The following VTA1 variants were observed in gnomAD, a reference collection of about 807,000 sequenced individuals.
VTA1 encodes vacuolar protein sorting-associated protein VTA1 homolog.
A neutral mutation model predicts 36.9 loss-of-function variants in VTA1; 24 were observed. The observed-to-expected ratio is 0.65, with a 90% CI of 0.47 to 0.91. The LOEUF is 0.91. Ranked by LOEUF, VTA1 falls within the 40% of genes least tolerant of loss-of-function variation. The pLI is 0.00. For synonymous variants in VTA1, 142 were observed against 130.2 expected (o/e 1.09, Z -0.62); for missense variants, 393 against 377.2 (o/e 1.04, Z -0.35).
Position 142,221,792 on chromosome 6 carries a change from A to C in VTA1, c.*3149A>C, listed in dbSNP as rs554651133. On this transcript the variant is annotated 3_prime_UTR_variant, in exon 8 of 8. Transcript: ENST00000367630. ...AAATATGTATTTATATATAAATCAT[A>C]AATATATTAATAAATATATAATATA... is the stretch of plus-strand genomic sequence containing the variant. 6.8e-6 allele frequency: 1 copy of C among 148,084 alleles called. No homozygotes were observed. The highest frequency in any genetic ancestry group is 6.8e-5 in the Admixed American group (1 of 14,768). The allele number at this position is 148,084 out of a possible 1,614,324, so 9.2% of individuals were successfully genotyped here.
Position 142,204,034 on chromosome 6 carries a change from T to C in VTA1, c.747T>C (p.Ile249=), listed in dbSNP as rs1562268707. 6.2e-7 allele frequency: 1 copy of C among 1,613,658 alleles called. No homozygotes were observed. Among genetic ancestry groups the C allele is most frequent in the East Asian group, 2.2e-5 (1 of 44,822 alleles). The change falls in exon 7 of 8, where the codon ATT becomes ATC. Residue 249 remains isoleucine, a synonymous_variant. Transcript: ENST00000367630. ...IQPTPQTIPA[I]DPALFNTISQ... ...CTACTCCACAGACTATACCTGCCAT[T>C]GATCCCGCACTTTTCAATACAATTT...
chr6:142,183,653 A>G lies in VTA1; in HGVS notation c.412-5773A>G, dbSNP rs17071519. Reference sequence around the variant, plus strand: ...ATGTTTAATCAGCCAAAAGGAGTTAATGAATTTCAAAAATACATCTTGAAA... The same window carrying G: ...ATGTTTAATCAGCCAAAAGGAGTTAGTGAATTTCAAAAATACATCTTGAAA... On this transcript the variant is annotated intron_variant, in intron 4 of 7. Coordinates refer to ENST00000367630, the MANE Select transcript of VTA1 (RefSeq NM_016485.5). Among the ~76,000 whole-genome samples the G allele has an allele frequency of 9.3e-3, 1,413 of 152,306 alleles. 31 individuals carry two copies. The highest frequency in any genetic ancestry group is 0.032 in the African/African-American group (1,338 of 41,570).
At chr6:142,160,218 GGA>G (rs977311868) in intron 1 of VTA1, among the ~76,000 whole-genome samples, 70 of 152,120 alleles carry the variant, frequency 4.6e-4, no homozygotes, top group African/African-American at 1.6e-3. Flanking sequence ...TTTGCTCTAG[GGA>G]GAGTTTAACA....
intron 5 of VTA1, among the ~76,000 whole-genome samples, chr6:142,192,956 G>T (rs929122413): frequency 6.6e-6 from 1 of 152,054 alleles, no homozygotes; most frequent in Non-Finnish European, 1.5e-5. Context: ...AAATCGAGAA[G>T]TATAGTATTT....
rs139542454 is a variant in VTA1 at position 142,164,469 on chromosome 6, G to C, written c.113-1759G>C. 1.0e-3 allele frequency among the ~76,000 whole-genome samples: 159 copies of C among 152,038 alleles called. 3 individuals are homozygous for C. The East Asian group carries it at 0.011, about 11-fold the overall frequency. On this transcript the variant is annotated intron_variant, in intron 1 of 7. Transcript: ENST00000367630. ...ATTATTAAATTAAACTTCAAGCTCT[G>C]TAATATGAGATAGCCCTCAAAGCCT...
At chr6:142,192,886 C>T (rs894567985) in intron 5 of VTA1, among the ~76,000 whole-genome samples, 21 of 151,972 alleles carry the variant, frequency 1.4e-4, no homozygotes, top group African/African-American at 5.1e-4. Flanking sequence ...TCTTTTACTG[C>T]TGAGTACTTC....
intron 4 of VTA1, among the ~76,000 whole-genome samples, chr6:142,170,918 G>A (rs1410643975): frequency 6.6e-6 from 1 of 151,858 alleles, no homozygotes; most frequent in East Asian, 2.0e-4. Context: ...GAACCCCATT[G>A]CACCTGGCCT....
At chr6:142,198,037 C>T (rs187646096) in intron 5 of VTA1, among the ~76,000 whole-genome samples, 240 of 150,858 alleles carry the variant, frequency 1.6e-3, no homozygotes, top group African/African-American at 5.0e-3. Flanking sequence ...GTAGAGCTTG[C>T]CGTGAGCTGA....
chr6:142,215,621 A>G (rs2114690323), intron 7 of VTA1, among the ~76,000 whole-genome samples: 1 of 152,268 alleles, frequency 6.6e-6, no homozygotes, highest in South Asian at 2.1e-4. Context: ...TGTTCCATCC[A>G]AGTCAAAGGA....
chr6:142,163,220 C>T (rs937524981), intron 1 of VTA1, among the ~76,000 whole-genome samples: 3 of 151,956 alleles, frequency 2.0e-5, no homozygotes, highest in African/African-American at 7.3e-5. Context: ...ATTTACCAGC[C>T]AGCACACTTC....
intron 3 of VTA1, 73 bp downstream of exon 3, chr6:142,169,750 TG>T (rs1466148334): frequency 9.8e-6 from 13 of 1,326,312 alleles, no homozygotes; most frequent in Non-Finnish European, 1.3e-5. Context: ...TAGTTTTCTC[TG>T]GAACACTTTC....
chr6:142,170,203 T>A (rs1470307742), intron 3 of VTA1, 143 bp from the exon 4 acceptor site: 1 of 627,290 alleles, frequency 1.6e-6, no homozygotes, highest in Non-Finnish European at 2.7e-6. Context: ...TTTTTGTTAT[T>A]TTCTTGAAAT....
chr6:142,150,807 G>A (rs1778553430), intron 1 of VTA1, among the ~76,000 whole-genome samples: 1 of 152,068 alleles, frequency 6.6e-6, no homozygotes, highest in Non-Finnish European at 1.5e-5. Context: ...AGCTACTTGG[G>A]AGGCTGAGGC....
At chr6:142,186,065 T>G (rs2114661440) in intron 4 of VTA1, among the ~76,000 whole-genome samples, 1 of 152,296 alleles carries the variant, frequency 6.6e-6, no homozygotes, top group East Asian at 1.9e-4. Flanking sequence ...AGATGTAAGA[T>G]TACCGGAGAG....
intron 2 of VTA1, among the ~76,000 whole-genome samples, chr6:142,168,986 G>T (rs1426127885): frequency 6.6e-6 from 1 of 151,710 alleles, no homozygotes; most frequent in Non-Finnish European, 1.5e-5. Flanking sequence ...AGCCAGAATG[G>T]TCTCGATCTC....
At chr6:142,178,821 T>A (rs1206667176) in intron 4 of VTA1, among the ~76,000 whole-genome samples, 1 of 151,992 alleles carries the variant, frequency 6.6e-6, no homozygotes, top group African/African-American at 2.4e-5. Context: ...GATTTTTTTT[T>A]AAAAGCAAGC....
At chr6:142,155,134 G>C (rs1375026384) in intron 1 of VTA1, among the ~76,000 whole-genome samples, 1 of 152,038 alleles carries the variant, frequency 6.6e-6, no homozygotes, top group Admixed American at 6.6e-5. Flanking sequence ...ATTCATCCTA[G>C]TTAGTAATAA....
In VTA1 at chr6:142,187,702, A is replaced by G. The variant is rs936490934; in HGVS notation, c.412-1724A>G. Among the ~76,000 whole-genome samples the G allele has an allele frequency of 3.3e-5, 5 of 152,192 alleles. No individual in the cohort carries two copies. The East Asian group carries it at 9.6e-4, about 29-fold the overall frequency. ...TCAGAATCAATGTATAGATTTTTAA[A>G]TTGAATATGTAAGAGGAGTGTTTGA... On this transcript the variant is annotated intron_variant, in intron 4 of 7. Transcript: ENST00000367630.
At chr6:142,159,915 A>G in intron 1 of VTA1, among the ~76,000 whole-genome samples, 1 of 152,066 alleles carries the variant, frequency 6.6e-6, no homozygotes, top group African/African-American at 2.4e-5. Context: ...ATAGTTCTCT[A>G]GTATGTTAAT....
Sources: gnomAD v4.1 joint callset for allele counts (sites outside exome capture counted in the v4.1 genomes callset) on GRCh38, gnomAD v4.1.1 for gene constraint, MANE v1.5 for transcripts, NCBI Gene and HGNC (gene_info 2026-07-23, HGNC 2026-07-21) for gene names.